Variants in EPS8 observed in about 807,000 individuals in gnomAD.
EPS8 encodes EGFR pathway substrate 8, signaling adaptor.
Under a neutral mutation model 103.8 loss-of-function variants are expected in EPS8, and 42 were observed. That is an observed-to-expected ratio of 0.40 (90% CI 0.32 to 0.52). The LOEUF (loss-of-function observed/expected upper bound fraction) is 0.52, where lower values mean the gene tolerates loss of function less well. Among genes scored for constraint, EPS8 ranks in the 20% least tolerant of loss-of-function variants. EPS8 has a pLI of 0.40. For missense variants in EPS8, 969 were observed against 1,005.1 expected, an observed-to-expected ratio of 0.96 and a Z score of 0.49; for synonymous variants, 344 against 344.6, an observed-to-expected ratio of 1.00 and a Z score of 0.02.
At chr12:15,729,138 G>C (rs1242469544) in intron 1 of EPS8, among the ~76,000 whole-genome samples, 1 of 152,050 alleles carries the variant, frequency 6.6e-6, no homozygotes, top group Non-Finnish European at 1.5e-5. Flanking sequence ...ATCCCCTAAA[G>C]GTAAGGTGAA....
chr12:15,692,585 T>G (rs1317116306), intron 1 of EPS8, among the ~76,000 whole-genome samples: 2 of 152,098 alleles, frequency 1.3e-5, no homozygotes, highest in African/African-American at 2.4e-5. Context: ...GAAAATCATT[T>G]TCCTAAAGTC....
chr12:15,710,344 A>T (rs553552447), intron 1 of EPS8, among the ~76,000 whole-genome samples: 1 of 152,350 alleles, frequency 6.6e-6, no homozygotes, highest in East Asian at 1.9e-4. Flanking sequence ...TTACATCTAA[A>T]TATGACACAA....
chr12:15,646,630 A>G (rs994462644), intron 15 of EPS8, among the ~76,000 whole-genome samples: 1 of 152,236 alleles, frequency 6.6e-6, no homozygotes, highest in African/African-American at 2.4e-5. Context: ...AAAACTGGAA[A>G]GTCAAGATAA....
intron 1 of EPS8, among the ~76,000 whole-genome samples, chr12:15,732,927 T>C (rs1946733179): frequency 2.0e-5 from 3 of 152,282 alleles, no homozygotes; most frequent in Non-Finnish European, 2.9e-5. Context: ...AACGTTTTCT[T>C]GTAGACTAAG....
At chr12:15,754,308 A>G (rs1351539468) in intron 1 of EPS8, among the ~76,000 whole-genome samples, 2 of 152,212 alleles carry the variant, frequency 1.3e-5, no homozygotes, top group Non-Finnish European at 2.9e-5. Flanking sequence ...CAAAACTGTA[A>G]GCAGAGGAAG....
intron 6 of EPS8, 105 bp from the exon 7 acceptor site, chr12:15,666,627 T>C: frequency 1.3e-6 from 1 of 746,836 alleles, no homozygotes. Flanking sequence ...TCAGTAAGTA[T>C]CTTGATGTAA....
In EPS8 at chr12:15,775,326, G is replaced by A. The variant is rs138319546; in HGVS notation, c.-22+13835C>T. 1.1e-4 allele frequency among the ~76,000 whole-genome samples: 17 copies of A among 152,056 alleles called. No individual in the cohort carries two copies. In the East Asian group the frequency reaches 2.3e-3, roughly 21 times the overall value. ...CTTGCAGGAAAAAATACTGAATACC[G>A]TATATAAAAATGACACAAACCACAC... On this transcript the variant is annotated intron_variant, in intron 1 of 20. Transcript: ENST00000281172.
At chr12:15,732,136 T>C (rs1174285326) in intron 1 of EPS8, among the ~76,000 whole-genome samples, 2 of 152,192 alleles carry the variant, frequency 1.3e-5, no homozygotes, top group South Asian at 2.1e-4. Flanking sequence ...CATAAGTCTA[T>C]ATTAATCTCA....
chr12:15,647,702 G>A (rs1252328191), intron 14 of EPS8, among the ~76,000 whole-genome samples: 1 of 152,216 alleles, frequency 6.6e-6, no homozygotes, highest in Non-Finnish European at 1.5e-5. Flanking sequence ...TGACAGTCAA[G>A]AGTCCAGGAT....
intron 3 of EPS8, among the ~76,000 whole-genome samples, chr12:15,674,696 T>G (rs1945873692): frequency 6.6e-6 from 1 of 152,196 alleles, no homozygotes; most frequent in Non-Finnish European, 1.5e-5. Context: ...TCAGCTAAGT[T>G]GGGAAAACTG....
chr12:15,635,123 T>A (rs1042243395), intron 17 of EPS8, among the ~76,000 whole-genome samples: 2 of 152,182 alleles, frequency 1.3e-5, no homozygotes, highest in African/African-American at 4.8e-5. Context: ...CTTGTTTAAT[T>A]AGCTGATTTT....
rs1946230115 is a variant in EPS8, at chr12:15,695,451, G to C, written c.-21-12479C>G. 6.6e-6 allele frequency among the ~76,000 whole-genome samples: 1 copy of C among 152,232 alleles called. No homozygotes were observed. Among genetic ancestry groups the C allele is most frequent in the East Asian group, 1.9e-4 (1 of 5,202 alleles). ...CACTATATTAGCACTGCTCAATACAGTAGCTGAGCACAAGTGTTGAGCACT... is the reference window on the plus strand; with the variant it reads ...CACTATATTAGCACTGCTCAATACACTAGCTGAGCACAAGTGTTGAGCACT... On this transcript the variant is annotated intron_variant, in intron 1 of 20. Transcript: ENST00000281172. This position sits in a 1 kb window ranked among gnomAD's most constrained non-coding sequence, Gnocchi z 5.0.
intron 1 of EPS8, among the ~76,000 whole-genome samples, chr12:15,692,146 T>C (rs1288268542): frequency 6.6e-6 from 1 of 152,110 alleles, no homozygotes; most frequent in African/African-American, 2.4e-5. Flanking sequence ...CCTCCCTCTT[T>C]CCATGCTTTT....
At position 15,624,400 on chromosome 12, in the gene EPS8, T is replaced by C. The variant is rs1944910934; in HGVS notation, c.2052A>G (p.Lys684=). Residue 684 remains lysine (K), a synonymous_variant, in exon 19 of 21, where the codon AAA becomes AAG. Coordinates refer to ENST00000281172, the MANE Select transcript of EPS8 (RefSeq NM_004447.6). ...RHKQLPVDRR[K]SQMEEVQDEL... is the part of the protein sequence containing the mutation. ...CATCTTGCACTTCCTCCATCTGAGA[T>C]TTCCTTCCTAGACACCAACAGGGAG... 5.8e-6 allele frequency: 9 copies of C among 1,561,394 alleles called. No individual in the cohort carries two copies. In the East Asian group the frequency reaches 2.0e-4, roughly 35 times the overall value.
intron 16 of EPS8, 108 bp from the exon 17 acceptor site, chr12:15,640,954 T>A: frequency 1.1e-6 from 1 of 881,132 alleles, no homozygotes; most frequent in Non-Finnish European, 1.8e-6. Context: ...GATAATTAAC[T>A]CAGCATCAAC....
rs1555112260 is a variant in EPS8 at position 15,663,976 on chromosome 12, T to TACACACAC, written c.736+1772_736+1779dup. On this transcript the variant is annotated intron_variant, in intron 8 of 20. Coordinates refer to ENST00000281172, the MANE Select transcript of EPS8 (RefSeq NM_004447.6). ...ATATATATATATATATATATATATATACACACACACATATATATATGGTTC... is the reference window on the plus strand; with the variant it reads ...ATATATATATATATATATATATATATACACACACACACACACACATATATATATGGTTC... Among the ~76,000 whole-genome samples the TACACACAC allele has an allele frequency of 4.8e-4, 50 of 104,444 alleles. 1 individual carries two copies. The highest frequency in any genetic ancestry group is 1.5e-3 in the African/African-American group (42 of 28,226). 68.5% of individuals were successfully genotyped at this position (104,444 alleles called of 152,430 possible). A position where few individuals can be genotyped will look rare whatever the true frequency, so the allele number is the denominator to read the frequency against.
chr12:15,784,262 T>C lies in EPS8; in HGVS notation c.-22+4899A>G, dbSNP rs941303576. 1.8e-4 allele frequency among the ~76,000 whole-genome samples: 28 copies of C among 152,150 alleles called. No individual in the cohort carries two copies. The highest frequency in any genetic ancestry group is 6.3e-4 in the African/African-American group (26 of 41,438). ...ACACATATCTGATAAAGTGCCTGTA[T>C]ACAAAATGTATAAAGAACTCTTAAA... On this transcript the variant is annotated intron_variant, in intron 1 of 20. Coordinates refer to ENST00000281172, the MANE Select transcript of EPS8 (RefSeq NM_004447.6). The surrounding 1 kb of genome is among the most constrained non-coding windows in gnomAD (Gnocchi z 4.0).
At chr12:15,636,651 G>A (rs938779354) in intron 17 of EPS8, among the ~76,000 whole-genome samples, 3 of 152,110 alleles carry the variant, frequency 2.0e-5, no homozygotes, top group African/African-American at 7.2e-5. Flanking sequence ...GTCTTTATAG[G>A]AAATGTAAGG....
rs1431364184 is a variant in EPS8 at position 15,778,120 on chromosome 12, CTTACATA to C, written c.-22+11034_-22+11040del. The stretch of plus-strand genomic sequence containing the variant: ...GGAAGTTATAATTTTTCCAATTTTT[CTTACATA>C]TTATTGTTCAGGCTAGGCCACCATG... On this transcript the variant is annotated intron_variant, in intron 1 of 20. Transcript: ENST00000281172. This position sits in a 1 kb window ranked among gnomAD's most constrained non-coding sequence, Gnocchi z 4.5. Among the ~76,000 whole-genome samples the C allele has an allele frequency of 6.6e-6, 1 of 152,060 alleles. No individual in the cohort carries two copies. The highest frequency in any genetic ancestry group is 2.4e-5 in the African/African-American group (1 of 41,394).
Sources: allele counts gnomAD v4.1 joint callset (sites outside exome capture counted in the v4.1 genomes callset), GRCh38; gene constraint gnomAD v4.1.1; non-coding constraint Gnocchi (gnomAD v3.1); transcripts MANE v1.5; gene names NCBI Gene and HGNC (gene_info 2026-07-23, HGNC 2026-07-21).